FOXL2NB: variants seen among roughly 807,000 people sequenced by gnomAD.
The protein encoded by FOXL2NB is FOXL2 neighbor protein.
Under a neutral mutation model 7.4 loss-of-function variants are expected in FOXL2NB, and 10 were observed. The ratio of observed to expected loss-of-function variants is 1.34; its 90% confidence interval spans 0.83 to 2.28. The LOEUF (loss-of-function observed/expected upper bound fraction) is 2.28. FOXL2NB is among the 30% of genes most tolerant of loss of function. FOXL2NB has a pLI of 0.00. For synonymous variants in FOXL2NB, 104 were observed against 105.3 expected, an observed-to-expected ratio of 0.99 and a Z score of 0.08; for missense variants, 228 against 233.9, an observed-to-expected ratio of 0.97 and a Z score of 0.17.
chr3:138,948,886 G>A (rs1936051566), intron 1 of FOXL2NB, among the ~76,000 whole-genome samples: 1 of 152,252 alleles, frequency 6.6e-6, no homozygotes, highest in African/African-American at 2.4e-5. Flanking sequence ...TCACAAGGAT[G>A]AGAGGGAGCA....
In FOXL2NB at chr3:138,949,604, A is replaced by C; in HGVS notation, c.185A>C (p.His62Pro). 1 of 1,614,092 alleles carries C rather than the reference A, an allele frequency of 6.2e-7. No individual in the cohort carries two copies. The highest frequency in any genetic ancestry group is 8.5e-7 in the Non-Finnish European group (1 of 1,179,978). The change falls in exon 2 of 3, where the codon CAC (histidine) becomes CCC (proline). Residue 62 changes from histidine to proline, a missense_variant. Coordinates refer to ENST00000383165, the MANE Select transcript of FOXL2NB (RefSeq NM_001040061.3). This position sits in a 1 kb window ranked among gnomAD's most constrained non-coding sequence, Gnocchi z 4.5. The stretch of plus-strand genomic sequence containing the variant: ...ATCGGTCTCCCCAAGATGTGCCTTC[A>C]CATGGCTGTCCGGCATTCGAAGGCT... ...AGIGLPKMCLHMAVRHSKAQK... is the reference protein window; with the variant it reads ...AGIGLPKMCLPMAVRHSKAQK...
chr3:138,949,532 T>C lies in FOXL2NB; in HGVS notation c.113T>C (p.Leu38Pro), dbSNP rs768774323. Reference protein sequence around the residue: ...ASSRLSESPALVKKRMPDACT... With the variant: ...ASSRLSESPAPVKKRMPDACT... ...CGTAGAGGAACAGAATCCCCAGCCCTGGTGAAGAAGAGGATGCCTGATGCG... is the reference window on the plus strand; with the variant it reads ...CGTAGAGGAACAGAATCCCCAGCCCCGGTGAAGAAGAGGATGCCTGATGCG... The change falls in exon 2 of 3, where the codon CTG becomes CCG. Residue 38 changes from leucine (L) to proline (P), a missense_variant. Leu to Pro is a moderately conservative substitution (Grantham distance 98, BLOSUM62 -3). Coordinates refer to ENST00000383165, the MANE Select transcript of FOXL2NB (RefSeq NM_001040061.3). This position sits in a 1 kb window ranked among gnomAD's most constrained non-coding sequence, Gnocchi z 4.5. 1 of 1,614,104 alleles carries C rather than the reference T, an allele frequency of 6.2e-7. No individual in the cohort carries two copies. The highest frequency in any genetic ancestry group is 8.5e-7 in the Non-Finnish European group (1 of 1,180,012).
Position 138,950,278 on chromosome 3 carries a change from G to T in FOXL2NB, c.234G>T (p.Leu78=). 1 of 1,604,548 alleles carries T rather than the reference G, an allele frequency of 6.2e-7. No homozygotes were observed. The highest frequency in any genetic ancestry group is 8.5e-7 in the Non-Finnish European group (1 of 1,177,490). The change falls in exon 3 of 3, where the codon CTG becomes CTT. Residue 78 remains leucine (L), a synonymous_variant. Coordinates refer to ENST00000383165, the MANE Select transcript of FOXL2NB (RefSeq NM_001040061.3). ...SKAQKTGPGI[L]QQRQKPPAPR... ...TTTTCTCCCCAGGGCCGGGAATCCT[G>T]CAACAGCGGCAGAAGCCGCCCGCGC...
At position 138,953,091 on chromosome 3, in the gene FOXL2NB, C is replaced by G. The variant is rs1250613664; in HGVS notation, c.*2519C>G. 2.0e-5 allele frequency: 3 copies of G among 151,416 alleles called. No homozygotes were observed. The highest frequency in any genetic ancestry group is 4.4e-5 in the Non-Finnish European group (3 of 68,014). 9.4% of individuals were successfully genotyped at this position (151,416 alleles called of 1,614,324 possible). On this transcript the variant is annotated 3_prime_UTR_variant, in exon 3 of 3. Transcript: ENST00000383165. ...CTGGAGTGCAGTGGCATGAACTTGGCTTACTGCAGCCTCCTGAGTTCAAGT... is the reference window on the plus strand; with the variant it reads ...CTGGAGTGCAGTGGCATGAACTTGGGTTACTGCAGCCTCCTGAGTTCAAGT...
chr3:138,950,369 T>G lies in FOXL2NB; in HGVS notation c.325T>G (p.Ser109Ala). The G allele has an allele frequency of 6.2e-7, 1 of 1,612,326 alleles. No individual in the cohort carries two copies. The change falls in exon 3 of 3, where the codon TCG (serine) becomes GCG (alanine). Residue 109 changes from serine (S) to alanine (A), a missense_variant. Ser to Ala is a moderately conservative substitution (Grantham distance 99). Coordinates refer to ENST00000383165, the MANE Select transcript of FOXL2NB (RefSeq NM_001040061.3). ...CGGCTGCTCTGAGGCAGGCAGCGCT[T>G]CGCTAGAACCACTCAGCTCGTCCCG... is the stretch of plus-strand genomic sequence containing the variant. ...RRGCSEAGSA[S>A]LEPLSSSRAA...
Position 138,949,534 on chromosome 3 carries a change from G to A in FOXL2NB, c.115G>A (p.Val39Met). Reference sequence around the variant, plus strand: ...TAGAGGAACAGAATCCCCAGCCCTGGTGAAGAAGAGGATGCCTGATGCGTG... The same window carrying A: ...TAGAGGAACAGAATCCCCAGCCCTGATGAAGAAGAGGATGCCTGATGCGTG... The part of the protein sequence containing the change: ...SSRLSESPAL[V>M]KKRMPDACTL... The change falls in exon 2 of 3, where the codon GTG (valine) becomes ATG (methionine). Residue 39 changes from valine (V) to methionine (M), a missense_variant. Physicochemically the swap from Val to Met is conservative, Grantham distance 21. Coordinates refer to ENST00000383165, the MANE Select transcript of FOXL2NB (RefSeq NM_001040061.3). The surrounding 1 kb of genome is among the most constrained non-coding windows in gnomAD (Gnocchi z 4.5). 1 of 1,614,146 alleles carries A rather than the reference G, an allele frequency of 6.2e-7. No individual in the cohort carries two copies. The highest frequency in any genetic ancestry group is 1.7e-5 in the Admixed American group (1 of 60,020).
At position 138,949,410 on chromosome 3, in the gene FOXL2NB, G is replaced by A; in HGVS notation, c.101-110G>A. 2 of 1,163,500 alleles carry A rather than the reference G, an allele frequency of 1.7e-6. No homozygotes were observed. Among genetic ancestry groups the A allele is most frequent in the Non-Finnish European group, 2.5e-6 (2 of 812,966 alleles). The allele number at this position is 1,163,500 out of a possible 1,614,324, so 72.1% of individuals were successfully genotyped here. On this transcript the variant is annotated intron_variant, in intron 1 of 2. Transcript: ENST00000383165. This position sits in a 1 kb window ranked among gnomAD's most constrained non-coding sequence, Gnocchi z 4.5. ...CATGTGCGTGTGTGTGTGTGTGTGT[G>A]TGTGTGTAGGGGTTGGGGGCAAATG...
chr3:138,949,629 TC>T lies in FOXL2NB; in HGVS notation c.211del (p.Gln71ArgfsTer26), dbSNP rs746653393. The part of the protein sequence containing the change: ...LHMAVRHSKA[Q>X]KTGPGILQQR... ...ACATGGCTGTCCGGCATTCGAAGGC[TC>T]AGAAAACAGGCAAGAAAATGCGGGC... On this transcript the variant is annotated frameshift_variant, in exon 2 of 3. Coordinates refer to ENST00000383165, the MANE Select transcript of FOXL2NB (RefSeq NM_001040061.3). LOFTEE classifies it low-confidence loss of function (END_TRUNC). This position sits in a 1 kb window ranked among gnomAD's most constrained non-coding sequence, Gnocchi z 4.5. The T allele has an allele frequency of 6.2e-7, 1 of 1,613,200 alleles. No homozygotes were observed. Among genetic ancestry groups the T allele is most frequent in the African/African-American group, 1.3e-5 (1 of 74,854 alleles).
chr3:138,951,876 C>T lies in FOXL2NB; in HGVS notation c.*1304C>T, dbSNP rs958093801. 1.3e-5 allele frequency: 2 copies of T among 152,212 alleles called. No homozygotes were observed. The highest frequency in any genetic ancestry group is 2.9e-5 in the Non-Finnish European group (2 of 68,052). 9.4% of individuals were successfully genotyped at this position (152,212 alleles called of 1,614,324 possible). A position where few individuals can be genotyped will look rare whatever the true frequency, so the allele number is the denominator to read the frequency against. On this transcript the variant is annotated 3_prime_UTR_variant, in exon 3 of 3. Coordinates refer to ENST00000383165, the MANE Select transcript of FOXL2NB (RefSeq NM_001040061.3). ...CTCCCCACCAGGATGGGCTTAATGC[C>T]TTTTAATAGAATTAGAAAATGGTTC...
chr3:138,947,503 C>G lies in FOXL2NB; in HGVS notation c.100+39C>G, dbSNP rs570002073. ...ACTCCTTTGCTCTGCCGTTTGCTGCCGTCTTGAGGCTGAACTTCTAGCTCG... is the reference window on the plus strand; with the variant it reads ...ACTCCTTTGCTCTGCCGTTTGCTGCGGTCTTGAGGCTGAACTTCTAGCTCG... On this transcript the variant is annotated intron_variant, in intron 1 of 2. Coordinates refer to ENST00000383165, the MANE Select transcript of FOXL2NB (RefSeq NM_001040061.3). The surrounding 1 kb of genome is among the most constrained non-coding windows in gnomAD (Gnocchi z 5.2). 3.3e-6 allele frequency: 5 copies of G among 1,513,586 alleles called. No homozygotes were observed. The highest frequency in any genetic ancestry group is 2.4e-5 in the South Asian group (2 of 82,248). The allele number at this position is 1,513,586 out of a possible 1,614,324, so 93.8% of individuals were successfully genotyped here.
rs1338293031 is a variant in FOXL2NB, at chr3:138,952,886, G to C, written c.*2314G>C. 1.3e-5 allele frequency: 2 copies of C among 151,696 alleles called. No individual in the cohort carries two copies. The highest frequency in any genetic ancestry group is 2.9e-5 in the Non-Finnish European group (2 of 67,952). 9.4% of individuals were successfully genotyped at this position (151,696 alleles called of 1,614,324 possible). Reference sequence around the variant, plus strand: ...GGAACAGGTGGTTTTTGCTTACATGGATAAGTTCTTTAATGGTAATTTCTG... The same window carrying C: ...GGAACAGGTGGTTTTTGCTTACATGCATAAGTTCTTTAATGGTAATTTCTG... On this transcript the variant is annotated 3_prime_UTR_variant, in exon 3 of 3. Transcript: ENST00000383165.
rs1484979922 is a variant in FOXL2NB, at chr3:138,949,179, CTCTCTCCTTT to C, written c.101-329_101-320del. 6.6e-6 allele frequency among the ~76,000 whole-genome samples: 1 copy of C among 151,802 alleles called. No individual in the cohort carries two copies. Among genetic ancestry groups the C allele is most frequent in the Non-Finnish European group, 1.5e-5 (1 of 67,918 alleles). ...TCTGGCCCCATCCTGGTGGGGGCTC[CTCTCTCCTTT>C]TCTCTCCTTTTTTTTTTTCTTGACC... On this transcript the variant is annotated intron_variant, in intron 1 of 2. Transcript: ENST00000383165. The surrounding 1 kb of genome is among the most constrained non-coding windows in gnomAD (Gnocchi z 4.5).
rs1297578129 is a variant in FOXL2NB at position 138,949,780 on chromosome 3, A to G, written c.220+141A>G. On this transcript the variant is annotated intron_variant, in intron 2 of 2. Transcript: ENST00000383165. The surrounding 1 kb of genome is among the most constrained non-coding windows in gnomAD (Gnocchi z 4.5). ...GAATCCTCTCCTTGCCGGCCCAGCC[A>G]GAGGTGGGTGAACCGGGCGCTCCAG... The G allele has an allele frequency of 7.8e-7, 1 of 1,284,796 alleles. No homozygotes were observed. The highest frequency in any genetic ancestry group is 1.2e-5 in the South Asian group (1 of 81,784). 79.6% of individuals were successfully genotyped at this position (1,284,796 alleles called of 1,614,324 possible).
In FOXL2NB at chr3:138,950,807, A is replaced by C; in HGVS notation, c.*235A>C. The C allele has an allele frequency of 3.6e-6, 2 of 557,094 alleles. No homozygotes were observed. Among genetic ancestry groups the C allele is most frequent in the Non-Finnish European group, 6.2e-6 (2 of 321,544 alleles). The allele number at this position is 557,094 out of a possible 1,614,324, so 34.5% of individuals were successfully genotyped here. A position where few individuals can be genotyped will look rare whatever the true frequency, so the allele number is the denominator to read the frequency against. ...ACACGTACTAATTCAGATTTTGCAC[A>C]TGTTGGTGGAAAACATGTCAAGCCA... On this transcript the variant is annotated 3_prime_UTR_variant, in exon 3 of 3. Transcript: ENST00000383165.
Position 138,947,763 on chromosome 3 carries a change from A to G in FOXL2NB, c.100+299A>G. Reference sequence around the variant, plus strand: ...CACCTCTGCCTCTCCCTGCGTTACCAGTGGATCTAGGAACCAGGAATCCGT... The same window carrying G: ...CACCTCTGCCTCTCCCTGCGTTACCGGTGGATCTAGGAACCAGGAATCCGT... On this transcript the variant is annotated intron_variant, in intron 1 of 2. Coordinates refer to ENST00000383165, the MANE Select transcript of FOXL2NB (RefSeq NM_001040061.3). The surrounding 1 kb of genome is among the most constrained non-coding windows in gnomAD (Gnocchi z 5.2). 1 of 1,130,606 alleles carries G rather than the reference A, an allele frequency of 8.8e-7. No individual in the cohort carries two copies. The highest frequency in any genetic ancestry group is 1.1e-6 in the Non-Finnish European group (1 of 922,532). The allele number at this position is 1,130,606 out of a possible 1,614,324, so 70.0% of individuals were successfully genotyped here. A position where few individuals can be genotyped will look rare whatever the true frequency, so the allele number is the denominator to read the frequency against.
intron 2 of FOXL2NB, 25 bp from the exon 3 acceptor site, chr3:138,950,240 C>G: frequency 6.2e-7 from 1 of 1,604,114 alleles, no homozygotes; most frequent in African/African-American, 1.3e-5. Flanking sequence ...CTACACGGCT[C>G]TGATACAGAC....
rs775032717 is a variant in FOXL2NB at position 138,950,296 on chromosome 3, G to T, written c.252G>T (p.Pro84=). The change falls in exon 3 of 3, where the codon CCG becomes CCT. Residue 84 remains proline, a synonymous_variant. Coordinates refer to ENST00000383165, the MANE Select transcript of FOXL2NB (RefSeq NM_001040061.3). ...GAATCCTGCAACAGCGGCAGAAGCC[G>T]CCCGCGCCTCGGGCTTCCGGCGGCC... is the stretch of plus-strand genomic sequence containing the variant. ...GPGILQQRQK[P]PAPRASGGPA... The T allele has an allele frequency of 6.2e-7, 1 of 1,605,528 alleles. No homozygotes were observed. The highest frequency in any genetic ancestry group is 8.5e-7 in the Non-Finnish European group (1 of 1,177,858).
chr3:138,952,262 C>G lies in FOXL2NB; in HGVS notation c.*1690C>G, dbSNP rs1372610496. The G allele has an allele frequency of 6.6e-6, 1 of 152,228 alleles. No homozygotes were observed. The highest frequency in any genetic ancestry group is 1.5e-5 in the Non-Finnish European group (1 of 68,052). The allele number at this position is 152,228 out of a possible 1,614,324, so 9.4% of individuals were successfully genotyped here. ...AGGGGATGCCAGAGAGAGCCCTTCC[C>G]CCTTGGTCCTCATTCCTGGCTCAAT... On this transcript the variant is annotated 3_prime_UTR_variant, in exon 3 of 3. Transcript: ENST00000383165.
rs1352738468 is a variant in FOXL2NB, at chr3:138,953,071, G to A, written c.*2499G>A. ...GTCTCACTCTGTTGCCCAGGCTGGA[G>A]TGCAGTGGCATGAACTTGGCTTACT... is the stretch of plus-strand genomic sequence containing the variant. On this transcript the variant is annotated 3_prime_UTR_variant, in exon 3 of 3. Coordinates refer to ENST00000383165, the MANE Select transcript of FOXL2NB (RefSeq NM_001040061.3). 6.7e-6 allele frequency: 1 copy of A among 149,162 alleles called. No individual in the cohort carries two copies. The highest frequency in any genetic ancestry group is 1.5e-5 in the Non-Finnish European group (1 of 67,768). The allele number at this position is 149,162 out of a possible 1,614,324, so 9.2% of individuals were successfully genotyped here. A position where few individuals can be genotyped will look rare whatever the true frequency, so the allele number is the denominator to read the frequency against.
Sources: allele counts gnomAD v4.1 joint callset (sites outside exome capture counted in the v4.1 genomes callset), GRCh38; gene constraint gnomAD v4.1.1; non-coding constraint Gnocchi (gnomAD v3.1); transcripts MANE v1.5; gene names NCBI Gene and HGNC (gene_info 2026-07-23, HGNC 2026-07-21).